Variants in SMAP2 observed in about 807,000 individuals in gnomAD.
SMAP2 encodes the protein stromal membrane-associated protein 2.
Under a neutral mutation model 56.4 loss-of-function variants are expected in SMAP2, and 25 were observed. That is an observed-to-expected ratio of 0.44 (90% CI 0.32 to 0.62). SMAP2 has a LOEUF of 0.62. SMAP2 is among the 20% of genes least tolerant of loss of function. The probability of loss-of-function intolerance (pLI) is 0.04; values close to 1 mark genes in which losing one functional copy is unlikely to be tolerated. For missense variants in SMAP2, 388 were observed against 545.6 expected, an observed-to-expected ratio of 0.71 and a Z score of 2.88; for synonymous variants, 157 against 181.7, an observed-to-expected ratio of 0.86 and a Z score of 1.09.
At chr1:40,375,728 T>G in intron 1 of SMAP2, 1 of 942,744 alleles carries the variant, frequency 1.1e-6, no homozygotes, top group Non-Finnish European at 1.3e-6. Flanking sequence ...TCAAATTCCC[T>G]TATGTCCTCA....
chr1:40,387,061 C>A (rs907129465), intron 1 of SMAP2, among the ~76,000 whole-genome samples: 1 of 152,062 alleles, frequency 6.6e-6, no homozygotes, highest in Non-Finnish European at 1.5e-5. Flanking sequence ...CCATGTTGCC[C>A]AGGCTAGTCT....
rs1553123040 is a variant in SMAP2 at position 40,422,897 on chromosome 1, A to AGTGTGTGTGTGTGTATGAGTGTGTGT, written c.*797_*822dup. On this transcript the variant is annotated 3_prime_UTR_variant, in exon 10 of 10. Transcript: ENST00000372718. The stretch of plus-strand genomic sequence containing the variant: ...CGTGTACTGCTTGTGTGTGTGCGTG[A>AGTGTGTGTGTGTGTATGAGTGTGTGT]GTGTGTGTGTGTGTATGAGTGTGTG... 55 of 151,876 alleles carry AGTGTGTGTGTGTGTATGAGTGTGTGT rather than the reference A, an allele frequency of 3.6e-4. No homozygotes were observed. The highest frequency in any genetic ancestry group is 1.3e-3 in the African/African-American group (54 of 41,266). The allele number at this position is 151,876 out of a possible 1,614,324, so 9.4% of individuals were successfully genotyped here. A position where few individuals can be genotyped will look rare whatever the true frequency, so the allele number is the denominator to read the frequency against.
chr1:40,408,729 A>G lies in SMAP2; in HGVS notation c.314A>G (p.Gln105Arg). The G allele has an allele frequency of 1.2e-6, 2 of 1,613,704 alleles. No homozygotes were observed. Among genetic ancestry groups the G allele is most frequent in the Non-Finnish European group, 1.7e-6 (2 of 1,179,670 alleles). ...CTTCCTGAGACCTTTCGGCGACCTCAGATAGACCCGTATCTTTTCTGGAGC... is the reference window on the plus strand; with the variant it reads ...CTTCCTGAGACCTTTCGGCGACCTCGGATAGACCCGTATCTTTTCTGGAGC... ...AYLPETFRRP[Q>R]IDPAVEGFIR... The change falls in exon 3 of 10, where the codon CAG becomes CGG. Residue 105 changes from glutamine to arginine, a missense_variant. Coordinates refer to ENST00000372718, the MANE Select transcript of SMAP2 (RefSeq NM_022733.3). The surrounding 1 kb of genome is among the most constrained non-coding windows in gnomAD (Gnocchi z 4.3).
chr1:40,356,422 T>G (rs577285473), intron 1 of SMAP2, among the ~76,000 whole-genome samples: 23 of 151,126 alleles, frequency 1.5e-4, no homozygotes, highest in Middle Eastern at 3.4e-3. Flanking sequence ...TTTGTTTTTT[T>G]TTTTTTGAGA....
chr1:40,405,474 C>T (rs1015277074), intron 1 of SMAP2, among the ~76,000 whole-genome samples: 15 of 152,112 alleles, frequency 9.9e-5, no homozygotes, highest in African/African-American at 3.4e-4. Flanking sequence ...CGGGTGACAG[C>T]GAGACTGCCT....
chr1:40,403,591 A>T, intron 1 of SMAP2: 1 of 939,622 alleles, frequency 1.1e-6, no homozygotes, highest in East Asian at 1.2e-4. Flanking sequence ...ACTGGCCCTT[A>T]TCAGGAAGAT....
Position 40,374,513 on chromosome 1 carries a change from T to A in SMAP2, c.103+290T>A. 3 of 808,524 alleles carry A rather than the reference T, an allele frequency of 3.7e-6. No individual in the cohort carries two copies. The Admixed American group carries it at 6.4e-5, about 17-fold the overall frequency. The allele number at this position is 808,524 out of a possible 1,614,324, so 50.1% of individuals were successfully genotyped here. A position where few individuals can be genotyped will look rare whatever the true frequency, so the allele number is the denominator to read the frequency against. On this transcript the variant is annotated intron_variant, in intron 1 of 9. Transcript: ENST00000372718. This position sits in a 1 kb window ranked among gnomAD's most constrained non-coding sequence, Gnocchi z 5.9. Reference sequence around the variant, plus strand: ...TCTGTATTTGAGGGCTCTGAATGAGTTCTGGGCCGGCTGTCCAGAGAGAGC... The same window carrying A: ...TCTGTATTTGAGGGCTCTGAATGAGATCTGGGCCGGCTGTCCAGAGAGAGC...
chr1:40,406,992 A>G, intron 2 of SMAP2, 123 bp downstream of exon 2: 1 of 1,017,738 alleles, frequency 9.8e-7, no homozygotes, highest in Non-Finnish European at 1.4e-6. Flanking sequence ...TAAACACTTA[A>G]CATCAGATTC....
chr1:40,391,556 C>T (rs762979775), intron 1 of SMAP2, among the ~76,000 whole-genome samples: 3 of 151,950 alleles, frequency 2.0e-5, no homozygotes, highest in Non-Finnish European at 2.9e-5. Context: ...AGTTATGGAT[C>T]GGGACTGGGT....
intron 1 of SMAP2, among the ~76,000 whole-genome samples, chr1:40,406,272 C>T (rs954935223): frequency 1.3e-5 from 2 of 152,138 alleles, no homozygotes; most frequent in Non-Finnish European, 2.9e-5. Context: ...ATAACATCTG[C>T]GTTTCAACAC....
intron 4 of SMAP2, among the ~76,000 whole-genome samples, chr1:40,411,658 G>A: frequency 6.6e-6 from 1 of 152,114 alleles, no homozygotes; most frequent in East Asian, 1.9e-4. Context: ...CCAATAATTA[G>A]TATTTGCTAA....
At chr1:40,380,509 T>C (rs900197604) in intron 1 of SMAP2, among the ~76,000 whole-genome samples, 15 of 149,964 alleles carry the variant, frequency 1.0e-4, no homozygotes, top group Non-Finnish European at 1.5e-4. Context: ...TTTAAAATTA[T>C]TTTAGCTGTA....
chr1:40,408,808 C>T lies in SMAP2; in HGVS notation c.323+70C>T. 1 of 1,240,360 alleles carries T rather than the reference C, an allele frequency of 8.1e-7. No individual in the cohort carries two copies. Among genetic ancestry groups the T allele is most frequent in the South Asian group, 1.2e-5 (1 of 82,530 alleles). 76.8% of individuals were successfully genotyped at this position (1,240,360 alleles called of 1,614,324 possible). ...GCTTGGGGAGAGTCAGACAAGACTC[C>T]AGTCCTGTAATGTGACTGGGTCATC... is the stretch of plus-strand genomic sequence containing the variant. On this transcript the variant is annotated intron_variant, in intron 3 of 9. Coordinates refer to ENST00000372718, the MANE Select transcript of SMAP2 (RefSeq NM_022733.3). This position sits in a 1 kb window ranked among gnomAD's most constrained non-coding sequence, Gnocchi z 4.3.
intron 1 of SMAP2, among the ~76,000 whole-genome samples, chr1:40,398,923 A>T (rs1429390303): frequency 6.6e-6 from 1 of 152,228 alleles, no homozygotes. Flanking sequence ...CTTGTGGCAC[A>T]CATAGTTAAG....
At chr1:40,389,088 T>C (rs1644690783) in intron 1 of SMAP2, among the ~76,000 whole-genome samples, 1 of 152,120 alleles carries the variant, frequency 6.6e-6, no homozygotes. Flanking sequence ...ACTGTAACAC[T>C]CACTGCGAGG....
chr1:40,372,450 A>C (rs938758815), upstream of SMAP2, among the ~76,000 whole-genome samples: 2 of 152,144 alleles, frequency 1.3e-5, no homozygotes, highest in African/African-American at 4.8e-5. Context: ...TAACTAGTTA[A>C]TCTTGACTGT....
intron 1 of SMAP2, among the ~76,000 whole-genome samples, chr1:40,378,165 C>T (rs899986274): frequency 1.3e-5 from 2 of 152,128 alleles, no homozygotes; most frequent in Non-Finnish European, 2.9e-5. Flanking sequence ...TGCTCTGCCA[C>T]CCAGGCTGGA....
At chr1:40,397,473 C>T (rs1052214833) in intron 1 of SMAP2, among the ~76,000 whole-genome samples, 2 of 152,142 alleles carry the variant, frequency 1.3e-5, no homozygotes, top group Non-Finnish European at 2.9e-5. Flanking sequence ...GCTTTTGAAG[C>T]CTTTCCAAAG....
intron 1 of SMAP2, among the ~76,000 whole-genome samples, chr1:40,350,602 T>C (rs1191413460): frequency 6.6e-6 from 1 of 152,154 alleles, no homozygotes; most frequent in Non-Finnish European, 1.5e-5. Flanking sequence ...CTGTTCAGGA[T>C]CCAGTTATGT....
Sources: allele counts gnomAD v4.1 joint callset (sites outside exome capture counted in the v4.1 genomes callset), GRCh38; gene constraint gnomAD v4.1.1; non-coding constraint Gnocchi (gnomAD v3.1); transcripts MANE v1.5; gene names NCBI Gene and HGNC (gene_info 2026-07-23, HGNC 2026-07-21).